The following FAM124B variants were observed in gnomAD, a reference collection of about 807,000 sequenced individuals.
FAM124B encodes the protein family with sequence similarity 124 member B.
Under a neutral mutation model 19.7 loss-of-function variants are expected in FAM124B, and 18 were observed. The ratio of observed to expected loss-of-function variants is 0.92; its 90% CI spans 0.63 to 1.36. The LOEUF (loss-of-function observed/expected upper bound fraction) is 1.36, where lower values mean the gene tolerates loss of function less well. Among genes scored for constraint, FAM124B ranks in the 40% most tolerant of loss-of-function variants. The pLI is 0.00. For missense variants in FAM124B, 540 were observed against 553.3 expected, an observed-to-expected ratio of 0.98 and a Z score of 0.24; for synonymous variants, 223 against 225.2, an observed-to-expected ratio of 0.99 and a Z score of 0.09.
At position 224,401,106 on chromosome 2, in the gene FAM124B, A is replaced by C; in HGVS notation, c.663T>G (p.Asn221Lys). The change falls in exon 1 of 2, where the codon AAT becomes AAG. Residue 221 changes from asparagine (N) to lysine (K), a missense_variant. Coordinates refer to ENST00000409685, the MANE Select transcript of FAM124B (RefSeq NM_001122779.2). ...EIGQLVPLLP[N>K]PCMPISSTRW... ...TGGTGCTGCTGATAGGCATGCATGG[A>C]TTGGGTAGCAGAGGCACTAACTGGC... The C allele has an allele frequency of 6.2e-7, 1 of 1,614,082 alleles. No homozygotes were observed. The highest frequency in any genetic ancestry group is 8.5e-7 in the Non-Finnish European group (1 of 1,180,006).
At position 224,402,009 on chromosome 2, in the gene FAM124B, G is replaced by T. The variant is rs1489412192; in HGVS notation, c.-241C>A. On this transcript the variant is annotated 5_prime_UTR_variant, in exon 1 of 2. Coordinates refer to ENST00000409685, the MANE Select transcript of FAM124B (RefSeq NM_001122779.2). ...GCCTCCCTCTCCACACAGCAGCAGC[G>T]GGGTCACGTCATCCAGCTTGTGCAT... is the stretch of plus-strand genomic sequence containing the variant. 3.9e-5 allele frequency: 20 copies of T among 510,590 alleles called. No homozygotes were observed. Among genetic ancestry groups the T allele is most frequent in the African/African-American group, 2.5e-4 (13 of 52,802 alleles). 31.6% of individuals were successfully genotyped at this position (510,590 alleles called of 1,614,324 possible).
intron 1 of FAM124B, among the ~76,000 whole-genome samples, chr2:224,394,478 T>C (rs1347036482): frequency 1.3e-5 from 2 of 152,130 alleles, no homozygotes; most frequent in Non-Finnish European, 2.9e-5. Context: ...CATTATGAGT[T>C]CCCTATTTCA....
chr2:224,400,496 A>G, intron 1 of FAM124B: 2 of 694,048 alleles, frequency 2.9e-6, no homozygotes, highest in Admixed American at 4.0e-5. Context: ...ACAGAGGAAG[A>G]CTCCCATCTC....
rs1352128140 is a variant in FAM124B at position 224,401,447 on chromosome 2, GAC to G, written c.320_321del (p.Cys107SerfsTer40). 6.2e-7 allele frequency: 1 copy of G among 1,614,032 alleles called. No individual in the cohort carries two copies. Among genetic ancestry groups the G allele is most frequent in the Non-Finnish European group, 8.5e-7 (1 of 1,179,986 alleles). ...YPTQDTRGRL[C>X]PYFFANQEFY... Reference sequence around the variant, plus strand: ...AACTCCTGATTGGCAAAAAAGTAGGGACACAGCCTTCCCCGAGTGTCCTGGGT... The same window carrying G: ...AACTCCTGATTGGCAAAAAAGTAGGGACAGCCTTCCCCGAGTGTCCTGGGT... On this transcript the variant is annotated frameshift_variant, in exon 1 of 2. Transcript: ENST00000409685. LOFTEE classifies it high-confidence loss of function.
At chr2:224,395,024 C>T (rs976418968) in intron 1 of FAM124B, among the ~76,000 whole-genome samples, 3 of 152,158 alleles carry the variant, frequency 2.0e-5, no homozygotes, top group East Asian at 3.8e-4. Flanking sequence ...CCTTGCTGAG[C>T]GTTTCAAGTG....
intron 1 of FAM124B, among the ~76,000 whole-genome samples, chr2:224,395,458 C>G (rs1052474112): frequency 3.9e-5 from 6 of 152,122 alleles, no homozygotes; most frequent in African/African-American, 1.4e-4. Context: ...ATGCTACCTT[C>G]CCCCAGAACA....
At chr2:224,400,637 G>A in intron 1 of FAM124B, 1 of 553,886 alleles carries the variant, frequency 1.8e-6, no homozygotes, top group Non-Finnish European at 3.2e-6. Context: ...TAGGGGTATA[G>A]TTGATGGGCA....
At chr2:224,380,329 G>T in intron 1 of FAM124B, 121 bp from the exon 2 acceptor site, 1 of 890,518 alleles carries the variant, frequency 1.1e-6, no homozygotes, top group Non-Finnish European at 1.7e-6. Flanking sequence ...CAGTAAATTT[G>T]GTTGAATTGA....
chr2:224,389,547 A>G (rs866058579), intron 1 of FAM124B, among the ~76,000 whole-genome samples: 10 of 152,126 alleles, frequency 6.6e-5, no homozygotes, highest in Non-Finnish European at 1.5e-5. Flanking sequence ...GTTCTGAGAA[A>G]AAAGGAGGCT....
chr2:224,398,779 C>G (rs1690015898), intron 1 of FAM124B, among the ~76,000 whole-genome samples: 1 of 152,114 alleles, frequency 6.6e-6, no homozygotes, highest in Non-Finnish European at 1.5e-5. Flanking sequence ...TGTTTGAGAC[C>G]AGCCTGGGCA....
chr2:224,379,807 A>C lies in FAM124B; in HGVS notation c.1134T>G (p.Tyr378Ter). 1 of 1,551,862 alleles carries C rather than the reference A, an allele frequency of 6.4e-7. No individual in the cohort carries two copies. Among genetic ancestry groups the C allele is most frequent in the Non-Finnish European group, 8.7e-7 (1 of 1,147,026 alleles). Residue 378 changes from tyrosine to a stop codon, truncating the protein, a stop_gained, in exon 2 of 2, where the codon TAT (tyrosine) becomes TAG (stop). Coordinates refer to ENST00000409685, the MANE Select transcript of FAM124B (RefSeq NM_001122779.2). LOFTEE classifies it low-confidence loss of function (END_TRUNC). ...TIINSEPRQT[Y>*]FGGFPRDLQT... is the part of the protein sequence containing the mutation. ...GTAAATCCCTTGGAAATCCGCCAAA[A>C]TAAGTCTGCCTGGGTTCAGAATTTA... is the stretch of plus-strand genomic sequence containing the variant.
At chr2:224,383,308 T>C (rs1689753520) in intron 1 of FAM124B, among the ~76,000 whole-genome samples, 1 of 152,218 alleles carries the variant, frequency 6.6e-6, no homozygotes, top group African/African-American at 2.4e-5. Flanking sequence ...GTCAGTTAAC[T>C]TGCGGTCGTT....
intron 1 of FAM124B, among the ~76,000 whole-genome samples, chr2:224,397,526 G>A (rs951979892): frequency 6.6e-6 from 1 of 152,190 alleles, no homozygotes; most frequent in Non-Finnish European, 1.5e-5. Context: ...TGGGTAACAG[G>A]CAGAGGTTGG....
chr2:224,380,700 T>C (rs1444379507), intron 1 of FAM124B, among the ~76,000 whole-genome samples: 2 of 152,222 alleles, frequency 1.3e-5, no homozygotes, highest in African/African-American at 2.4e-5. Flanking sequence ...AAAATACATA[T>C]CTTGGGCCAT....
At position 224,379,635 on chromosome 2, in the gene FAM124B, G is replaced by C; in HGVS notation, c.1306C>G (p.Leu436Val). 2 of 1,551,228 alleles carry C rather than the reference G, an allele frequency of 1.3e-6. No individual in the cohort carries two copies. The highest frequency in any genetic ancestry group is 1.7e-6 in the Non-Finnish European group (2 of 1,146,742). Residue 436 changes from leucine to valine, a missense_variant, in exon 2 of 2, where the codon CTC becomes GTC. Physicochemically the swap from Leu to Val is conservative, Grantham distance 32. Transcript: ENST00000409685. Reference sequence around the variant, plus strand: ...TCACCCTGAACTTGCAGATGAAGGAGACATTCTGAAATTGTCTTCCTGGTA... The same window carrying C: ...TCACCCTGAACTTGCAGATGAAGGACACATTCTGAAATTGTCTTCCTGGTA... ...LGTRKTISEC[L>V]LHLQVQGEEK...
At chr2:224,399,064 TTTCATACAA>T (rs1690020938) in intron 1 of FAM124B, among the ~76,000 whole-genome samples, 1 of 152,198 alleles carries the variant, frequency 6.6e-6, no homozygotes, top group Non-Finnish European at 1.5e-5. Flanking sequence ...AGAGGGCTCT[TTTCATACAA>T]TTCATGGAGT....
chr2:224,385,857 C>T (rs1358934462), intron 1 of FAM124B, among the ~76,000 whole-genome samples: 1 of 152,190 alleles, frequency 6.6e-6, no homozygotes, highest in Non-Finnish European at 1.5e-5. Context: ...ACATTCCACT[C>T]TCTCTGCTCC....
At chr2:224,383,849 A>G (rs1473011746) in intron 1 of FAM124B, among the ~76,000 whole-genome samples, 1 of 152,170 alleles carries the variant, frequency 6.6e-6, no homozygotes, top group Non-Finnish European at 1.5e-5. Context: ...TGACCCAATG[A>G]CATCTTTTTC....
chr2:224,395,977 T>C (rs1249180233), intron 1 of FAM124B, among the ~76,000 whole-genome samples: 2 of 152,194 alleles, frequency 1.3e-5, no homozygotes, highest in Non-Finnish European at 2.9e-5. Context: ...GTCAGTTCCA[T>C]TCATAGGACT....
Sources: gnomAD v4.1 joint callset for allele counts (sites outside exome capture counted in the v4.1 genomes callset) on GRCh38, gnomAD v4.1.1 for gene constraint, MANE v1.5 for transcripts, NCBI Gene and HGNC (gene_info 2026-07-23, HGNC 2026-07-21) for gene names.